The following FGGY variants were observed in gnomAD, a reference collection of about 807,000 sequenced individuals.
The protein encoded by FGGY is FGGY carbohydrate kinase domain containing.
Under a neutral mutation model 71.3 loss-of-function variants are expected in FGGY, and 72 were observed. The ratio of observed to expected loss-of-function variants is 1.01; its 90% CI spans 0.84 to 1.23. The LOEUF (loss-of-function observed/expected upper bound fraction) is 1.23, where lower values mean the gene tolerates loss of function less well. Among genes scored for constraint, FGGY ranks in the 50% most tolerant of loss-of-function variants. The pLI is 0.00. For synonymous variants in FGGY, 251 were observed against 250.3 expected, an observed-to-expected ratio of 1.00 and a Z score of -0.02; for missense variants, 668 against 682.3, an observed-to-expected ratio of 0.98 and a Z score of 0.23.
At chr1:59,640,776 A>G (rs1455179874) in intron 11 of FGGY, among the ~76,000 whole-genome samples, 2 of 151,206 alleles carry the variant, frequency 1.3e-5, no homozygotes, top group East Asian at 3.9e-4. Context: ...TATCGTAAGT[A>G]TTTAATACCA....
intron 14 of FGGY, among the ~76,000 whole-genome samples, chr1:59,728,352 T>G (rs2100839260): frequency 6.6e-6 from 1 of 152,238 alleles, no homozygotes; most frequent in Middle Eastern, 3.4e-3. Flanking sequence ...ATAACATTGC[T>G]GTAATTTATT....
At chr1:59,510,041 T>C (rs1221745831) in intron 6 of FGGY, among the ~76,000 whole-genome samples, 2 of 86,158 alleles carry the variant, frequency 2.3e-5, no homozygotes, top group Admixed American at 1.3e-4. Context: ...TTCTTTTTTC[T>C]TTTTTTTTTT....
chr1:59,561,735 G>T (rs1485709582), intron 8 of FGGY, among the ~76,000 whole-genome samples: 1 of 152,158 alleles, frequency 6.6e-6, no homozygotes, highest in Non-Finnish European at 1.5e-5. Flanking sequence ...GGCAAAGAGT[G>T]GTTAAGTGGG....
Position 59,602,176 on chromosome 1 carries a change from A to G in FGGY, c.904-5627A>G, listed in dbSNP as rs536728667. The stretch of plus-strand genomic sequence containing the variant: ...ATTTTATAGCTAAGGAGAGTTAGTT[A>G]TAGAGAGAGAAATAAGTTGGTGGTT... On this transcript the variant is annotated intron_variant, in intron 8 of 15. Transcript: ENST00000303721. Among the ~76,000 whole-genome samples the G allele has an allele frequency of 1.7e-3, 261 of 152,346 alleles. 1 individual carries two copies. The highest frequency in any genetic ancestry group is 2.9e-3 in the Non-Finnish European group (195 of 68,020).
intron 14 of FGGY, among the ~76,000 whole-genome samples, chr1:59,691,886 A>T (rs143178286): frequency 9.1e-4 from 138 of 151,690 alleles, no homozygotes; most frequent in African/African-American, 3.3e-3. Flanking sequence ...ATTTTCACAG[A>T]CCCCTTATGT....
intron 5 of FGGY, among the ~76,000 whole-genome samples, chr1:59,414,148 G>A (rs769912990): frequency 2.0e-5 from 3 of 152,222 alleles, no homozygotes; most frequent in Non-Finnish European, 2.9e-5. Flanking sequence ...CAGGTTGACA[G>A]CCTTTACCTT....
At chr1:59,675,438 T>C (rs1246903474) in intron 14 of FGGY, among the ~76,000 whole-genome samples, 1 of 152,252 alleles carries the variant, frequency 6.6e-6, no homozygotes, top group Admixed American at 6.5e-5. Flanking sequence ...TGATGCTGTT[T>C]GTACTGCATT....
At chr1:59,549,862 G>A (rs938745056) in intron 7 of FGGY, among the ~76,000 whole-genome samples, 2 of 152,176 alleles carry the variant, frequency 1.3e-5, no homozygotes, top group African/African-American at 4.8e-5. Flanking sequence ...AAGGGAGACA[G>A]CATATTAAAT....
intron 8 of FGGY, among the ~76,000 whole-genome samples, chr1:59,591,472 G>T (rs999629083): frequency 1.3e-5 from 2 of 151,398 alleles, no homozygotes; most frequent in African/African-American, 2.4e-5. Flanking sequence ...AAAAGAGCCC[G>T]CATCGCCAAG....
At chr1:59,541,603 T>C (rs2798652) in intron 7 of FGGY, among the ~76,000 whole-genome samples, 41,526 of 152,100 alleles carry the variant, frequency 0.27, 5,796 homozygotes, top group Admixed American at 0.31. Flanking sequence ...TTCAAAATGG[T>C]AGATTGAATG....
At chr1:59,372,204 C>T (rs1290672351) in intron 4 of FGGY, among the ~76,000 whole-genome samples, 1 of 152,086 alleles carries the variant, frequency 6.6e-6, no homozygotes, top group African/African-American at 2.4e-5. Context: ...CAAATAGACG[C>T]AATTAAAAAT....
chr1:59,730,267 T>C (rs1258109980), intron 14 of FGGY, among the ~76,000 whole-genome samples: 1 of 152,056 alleles, frequency 6.6e-6, no homozygotes, highest in Non-Finnish European at 1.5e-5. Context: ...CTCAGTTCTC[T>C]TATGGATCCA....
At chr1:59,405,009 C>T (rs944221884) in intron 5 of FGGY, among the ~76,000 whole-genome samples, 1 of 152,092 alleles carries the variant, frequency 6.6e-6, no homozygotes, top group African/African-American at 2.4e-5. Flanking sequence ...GGTGAAATCA[C>T]GAAAGATTGG....
intron 15 of FGGY, 73 bp from the exon 16 acceptor site, chr1:59,762,430 T>C: frequency 1.7e-6 from 2 of 1,144,212 alleles, no homozygotes; most frequent in Non-Finnish European, 2.6e-6. Context: ...ATTTCCATTC[T>C]TCTAAATGTA....
intron 5 of FGGY, among the ~76,000 whole-genome samples, chr1:59,399,335 A>T (rs1248188997): frequency 1.2e-4 from 18 of 152,182 alleles, no homozygotes; most frequent in Admixed American, 1.2e-3. Context: ...AATAATACTT[A>T]TATGTCAGGC....
intron 14 of FGGY, among the ~76,000 whole-genome samples, chr1:59,730,003 G>A (rs2098004999): frequency 6.6e-6 from 1 of 152,164 alleles, no homozygotes; most frequent in Admixed American, 6.5e-5. Flanking sequence ...GCCAAGAGGG[G>A]ATCATTCTTG....
Position 59,653,457 on chromosome 1 carries a change from T to G in FGGY, c.1222-6762T>G, listed in dbSNP as rs541077338. 2.2e-3 allele frequency among the ~76,000 whole-genome samples: 332 copies of G among 151,932 alleles called. 3 individuals carry two copies. The highest frequency in any genetic ancestry group is 7.7e-3 in the African/African-American group (316 of 41,226). ...CAGGTGTGGGATATAGTCTCGTGGT[T>G]CGCCGTTTTTTAAGCCGGTCTGAAA... On this transcript the variant is annotated intron_variant, in intron 11 of 15. Coordinates refer to ENST00000303721, the MANE Select transcript of FGGY (RefSeq NM_018291.5).
chr1:59,415,846 C>T (rs1445731504), intron 5 of FGGY, among the ~76,000 whole-genome samples: 1 of 152,250 alleles, frequency 6.6e-6, no homozygotes, highest in African/African-American at 2.4e-5. Context: ...GTAGCTTCTA[C>T]AACAGAGAGC....
Position 59,588,408 on chromosome 1 carries a change from G to C in FGGY, c.904-19395G>C, listed in dbSNP as rs2096355930. On this transcript the variant is annotated intron_variant, in intron 8 of 15. Coordinates refer to ENST00000303721, the MANE Select transcript of FGGY (RefSeq NM_018291.5). ...CAGGAGAACTTCCCCAATCTAGCAA[G>C]GCAGGCCAACGTTCAGATTCAGGAA... 2.0e-5 allele frequency among the ~76,000 whole-genome samples: 3 copies of C among 152,044 alleles called. No homozygotes were observed. In the South Asian group the frequency reaches 6.3e-4, roughly 32 times the overall value.
Sources: gnomAD v4.1 joint callset for allele counts (sites outside exome capture counted in the v4.1 genomes callset) on GRCh38, gnomAD v4.1.1 for gene constraint, MANE v1.5 for transcripts, NCBI Gene and HGNC (gene_info 2026-07-23, HGNC 2026-07-21) for gene names.